Variants in TMTC1 observed in about 807,000 individuals in gnomAD.
TMTC1 encodes transmembrane O-mannosyltransferase targeting cadherins 1, also known as protein O-mannosyl-transferase TMTC1.
In TMTC1, 73 loss-of-function variants were observed where a neutral mutation model predicts 104.8. The ratio of observed to expected loss-of-function variants is 0.70; its 90% confidence interval spans 0.58 to 0.85. The LOEUF is 0.85. TMTC1 is among the 40% of genes least tolerant of loss of function. The pLI, the probability that TMTC1 is intolerant of heterozygous loss-of-function variation, is 0.00. For missense variants in TMTC1, 1,035 were observed against 1,096.1 expected (o/e 0.94, Z 0.79); for synonymous variants, 434 against 428.7 (o/e 1.01, Z -0.15).
intron 7 of TMTC1, among the ~76,000 whole-genome samples, chr12:29,597,781 C>T (rs1416369490): frequency 6.6e-6 from 1 of 152,074 alleles, no homozygotes; most frequent in Non-Finnish European, 1.5e-5. Flanking sequence ...TGTTCTATTT[C>T]TAAAACCAGT....
At position 29,610,211 on chromosome 12, in the gene TMTC1, A is replaced by C. The variant is rs566343237; in HGVS notation, c.1129-5912T>G. 9.2e-5 allele frequency among the ~76,000 whole-genome samples: 14 copies of C among 152,310 alleles called. 1 individual carries two copies. The East Asian group carries it at 2.3e-3, about 25-fold the overall frequency. Reference sequence around the variant, plus strand: ...AATGTGGACCTCAAAAAAGGATCGGAGCTCGGGCTGGTGTGAGCTACTAGG... The same window carrying C: ...AATGTGGACCTCAAAAAAGGATCGGCGCTCGGGCTGGTGTGAGCTACTAGG... On this transcript the variant is annotated intron_variant, in intron 6 of 17. Coordinates refer to ENST00000539277, the MANE Select transcript of TMTC1 (RefSeq NM_001193451.2).
intron 10 of TMTC1, among the ~76,000 whole-genome samples, chr12:29,537,926 T>C (rs1327196831): frequency 6.6e-6 from 1 of 152,214 alleles, no homozygotes; most frequent in Non-Finnish European, 1.5e-5. Flanking sequence ...AACATAGACC[T>C]TGGATTTAAC....
chr12:29,723,169 A>T (rs776049258), intron 5 of TMTC1, among the ~76,000 whole-genome samples: 80 of 152,260 alleles, frequency 5.3e-4, no homozygotes, highest in Admixed American at 1.6e-3. Context: ...CTCAATAGTC[A>T]GAAAAGTATA....
chr12:29,526,567 T>G (rs561919058), intron 11 of TMTC1, among the ~76,000 whole-genome samples: 1 of 152,218 alleles, frequency 6.6e-6, no homozygotes, highest in East Asian at 1.9e-4. Flanking sequence ...TTCATTAGAG[T>G]TTTGGGAATT....
At chr12:29,532,301 G>A (rs755929804) in intron 11 of TMTC1, among the ~76,000 whole-genome samples, 37 of 152,108 alleles carry the variant, frequency 2.4e-4, no homozygotes, top group Admixed American at 1.6e-3. Flanking sequence ...AAGCAATTTG[G>A]TAACACGTCT....
chr12:29,702,830 G>T (rs923096651), intron 5 of TMTC1, among the ~76,000 whole-genome samples: 4 of 152,072 alleles, frequency 2.6e-5, no homozygotes, highest in Non-Finnish European at 4.4e-5. Flanking sequence ...TAAGGACTGC[G>T]ATATTTTCTA....
At chr12:29,638,712 C>T (rs11050335) in intron 5 of TMTC1, among the ~76,000 whole-genome samples, 72,203 of 151,946 alleles carry the variant, frequency 0.48, 17,990 homozygotes, top group South Asian at 0.6. Flanking sequence ...TCCCCATGAC[C>T]GGCTGGTCTG....
intron 10 of TMTC1, among the ~76,000 whole-genome samples, chr12:29,546,778 A>T (rs1944953959): frequency 6.6e-6 from 1 of 152,096 alleles, no homozygotes; most frequent in Non-Finnish European, 1.5e-5. Flanking sequence ...GCTACTCGGG[A>T]GGCTGAGGCA....
intron 4 of TMTC1, among the ~76,000 whole-genome samples, chr12:29,752,683 A>G (rs12310141): frequency 0.031 from 4,662 of 152,294 alleles, 123 homozygotes; most frequent in African/African-American, 0.068. Flanking sequence ...ATACAGCTAC[A>G]TATATCAACA....
intron 5 of TMTC1, among the ~76,000 whole-genome samples, chr12:29,716,162 G>T (rs982172957): frequency 2.0e-5 from 3 of 151,964 alleles, no homozygotes; most frequent in Non-Finnish European, 4.4e-5. Flanking sequence ...AAGAGCACAG[G>T]TGCATACCAC....
At chr12:29,646,547 C>G (rs1002322810) in intron 5 of TMTC1, among the ~76,000 whole-genome samples, 3 of 152,112 alleles carry the variant, frequency 2.0e-5, no homozygotes, top group African/African-American at 7.2e-5. Flanking sequence ...TTTTCAGCAA[C>G]CCATCCCTAG....
chr12:29,733,250 C>G (rs1942590315), intron 5 of TMTC1, among the ~76,000 whole-genome samples: 2 of 152,180 alleles, frequency 1.3e-5, no homozygotes, highest in Admixed American at 1.3e-4. Flanking sequence ...GGTTGAGTAA[C>G]TTGCTGAGTC....
chr12:29,593,002 T>C (rs866717932), intron 7 of TMTC1, among the ~76,000 whole-genome samples: 6 of 152,188 alleles, frequency 3.9e-5, no homozygotes, highest in Non-Finnish European at 8.8e-5. Context: ...AATGTTCTAG[T>C]GCAGACTTTA....
At chr12:29,583,812 TCATCTTG>T (rs1946051482) in intron 7 of TMTC1, among the ~76,000 whole-genome samples, 1 of 151,644 alleles carries the variant, frequency 6.6e-6, no homozygotes, top group Non-Finnish European at 1.5e-5. Flanking sequence ...AATGAGAGAG[TCATCTTG>T]TAGGCTTAAA....
chr12:29,715,664 C>T (rs1055196237), intron 5 of TMTC1, among the ~76,000 whole-genome samples: 2 of 152,032 alleles, frequency 1.3e-5, no homozygotes, highest in Admixed American at 6.6e-5. Context: ...TGAAGAAGTA[C>T]CCAAGACTGG....
intron 6 of TMTC1, among the ~76,000 whole-genome samples, chr12:29,616,217 A>G (rs1946974186): frequency 6.6e-6 from 1 of 152,208 alleles, no homozygotes; most frequent in Non-Finnish European, 1.5e-5. Context: ...TGATGCTGTG[A>G]CATATTTTGA....
intron 9 of TMTC1, among the ~76,000 whole-genome samples, chr12:29,567,309 A>G (rs7134177): frequency 0.98 from 149,025 of 152,318 alleles, 72,928 homozygotes; most frequent in East Asian, 1. Flanking sequence ...GATAGCCAGA[A>G]AAAGTGAAAC....
intron 2 of TMTC1, among the ~76,000 whole-genome samples, chr12:29,762,850 G>A (rs1457354572): frequency 6.6e-6 from 1 of 152,250 alleles, no homozygotes; most frequent in Non-Finnish European, 1.5e-5. Context: ...AAGCCGAAGT[G>A]TATACAGGTC....
chr12:29,666,228 C>CTTTTTTTT (rs751968439), intron 5 of TMTC1: 382 of 365,970 alleles, frequency 1.0e-3, no homozygotes, highest in East Asian at 2.0e-3. Flanking sequence ...TTTCTTTTTT[C>CTTTTTTTT]TTTTTTTTTT....
Sources: gnomAD v4.1 joint callset for allele counts (sites outside exome capture counted in the v4.1 genomes callset) on GRCh38, gnomAD v4.1.1 for gene constraint, MANE v1.5 for transcripts, NCBI Gene and HGNC (gene_info 2026-07-23, HGNC 2026-07-21) for gene names.